The following ARMC8 variants were observed in gnomAD, a reference collection of about 807,000 sequenced individuals.
ARMC8 encodes the protein armadillo repeat-containing protein 8.
ARMC8 carries 20 observed loss-of-function variants against 99.3 expected under a neutral mutation model. The ratio of observed to expected loss-of-function variants is 0.20; its 90% CI spans 0.14 to 0.29. The LOEUF (loss-of-function observed/expected upper bound fraction) is 0.29. Ranked by LOEUF, ARMC8 falls within the 10% of genes least tolerant of loss-of-function variation. The pLI is 1.00. For synonymous variants in ARMC8, 263 were observed against 278.3 expected, an observed-to-expected ratio of 0.95 and a Z score of 0.55; for missense variants, 569 against 809.5, an observed-to-expected ratio of 0.70 and a Z score of 3.60.
At chr3:138,292,178 C>T (rs1272685049) in intron 21 of ARMC8, among the ~76,000 whole-genome samples, 1 of 152,180 alleles carries the variant, frequency 6.6e-6, no homozygotes, top group Non-Finnish European at 1.5e-5. Flanking sequence ...GCTGGGATTA[C>T]AGGCGCCTGC....
chr3:138,245,321 AGAAT>A lies in ARMC8; in HGVS notation c.1134+144_1134+147del, dbSNP rs1259490721. The A allele has an allele frequency of 5.2e-6, 8 of 1,545,554 alleles. No homozygotes were observed. In the African/African-American group the frequency reaches 1.1e-4, roughly 21 times the overall value. ...GCAGAGTGACTAAAGGCATAATTGA[AGAAT>A]GAATGGGACCCGGATTTGGGGGGTT... On this transcript the variant is annotated intron_variant, in intron 12 of 21. Transcript: ENST00000469044.
chr3:138,273,850 T>C (rs1298260322), intron 17 of ARMC8, among the ~76,000 whole-genome samples: 1 of 151,550 alleles, frequency 6.6e-6, no homozygotes, highest in Non-Finnish European at 1.5e-5. Context: ...AGAGTCTTGC[T>C]CTTTCCCCCA....
At position 138,206,217 on chromosome 3, in the gene ARMC8, G is replaced by T. The variant is rs2044364005; in HGVS notation, c.46-3600G>T. On this transcript the variant is annotated intron_variant, in intron 1 of 21. Transcript: ENST00000469044. ...AAATGTAAACTCATATACCCAAGTA[G>T]TTCCAAATCATTCTTAAAAGTTTTA... 2.6e-5 allele frequency among the ~76,000 whole-genome samples: 4 copies of T among 152,302 alleles called. No individual in the cohort carries two copies. In the South Asian group the frequency reaches 8.3e-4, roughly 32 times the overall value.
intron 2 of ARMC8, among the ~76,000 whole-genome samples, chr3:138,218,229 G>A (rs1576647339): frequency 6.6e-6 from 1 of 152,070 alleles, no homozygotes; most frequent in African/African-American, 2.4e-5. Flanking sequence ...AGATCACAAG[G>A]GGGGGCATCA....
chr3:138,275,393 T>TA (rs1308864336), intron 18 of ARMC8, among the ~76,000 whole-genome samples: 26 of 151,828 alleles, frequency 1.7e-4, no homozygotes, highest in Non-Finnish European at 3.5e-4. Flanking sequence ...CCATCTCTAC[T>TA]AAAAAAATAC....
chr3:138,207,228 G>A (rs2044422725), intron 1 of ARMC8, among the ~76,000 whole-genome samples: 1 of 152,070 alleles, frequency 6.6e-6, no homozygotes, highest in South Asian at 2.1e-4. Flanking sequence ...GATTCCCCTG[G>A]TTTACAAATG....
intron 12 of ARMC8, among the ~76,000 whole-genome samples, chr3:138,256,638 C>G (rs1345733184): frequency 1.3e-5 from 2 of 151,916 alleles, no homozygotes; most frequent in Non-Finnish European, 2.9e-5. Context: ...TCTCGATGTC[C>G]CGACCTCGTG....
intron 1 of ARMC8, among the ~76,000 whole-genome samples, chr3:138,209,035 T>C (rs1448715940): frequency 6.6e-6 from 1 of 152,246 alleles, no homozygotes; most frequent in Non-Finnish European, 1.5e-5. Context: ...CCTCCAGCAA[T>C]GAAGCTTCTC....
At chr3:138,226,793 G>T (rs1396089377) in intron 5 of ARMC8, among the ~76,000 whole-genome samples, 2 of 152,074 alleles carry the variant, frequency 1.3e-5, no homozygotes, top group Non-Finnish European at 2.9e-5. Flanking sequence ...ATGGATCCTG[G>T]TGCACCATTT....
intron 14 of ARMC8, among the ~76,000 whole-genome samples, 186 bp downstream of exon 14, chr3:138,264,398 G>C (rs1043496350): frequency 2.7e-5 from 4 of 149,348 alleles, no homozygotes; most frequent in African/African-American, 9.8e-5. Context: ...GGAACTACAG[G>C]CCTGATTTTC....
At chr3:138,234,197 C>T (rs914673507) in intron 6 of ARMC8, among the ~76,000 whole-genome samples, 18 of 152,096 alleles carry the variant, frequency 1.2e-4, no homozygotes, top group East Asian at 1.9e-4. Context: ...CCTCCGCCTC[C>T]GCCTCCCGGG....
intron 20 of ARMC8, among the ~76,000 whole-genome samples, chr3:138,290,062 A>G (rs2050794474): frequency 6.6e-6 from 1 of 152,218 alleles, no homozygotes; most frequent in South Asian, 2.1e-4. Flanking sequence ...GAACAGAATG[A>G]TATGAAATTG....
chr3:138,237,455 A>T (rs1290410677), intron 8 of ARMC8, 27 bp from the exon 9 acceptor site: 1 of 1,611,308 alleles, frequency 6.2e-7, no homozygotes. Context: ...GAATTTCCTT[A>T]ATCATTGTTG....
chr3:138,229,178 A>ATATTTATATGTATATGTATATG (rs1553758082), intron 6 of ARMC8, 168 bp downstream of exon 6: 1 of 32,078 alleles, frequency 3.1e-5, no homozygotes, highest in Non-Finnish European at 6.4e-5. Flanking sequence ...ATATATATAT[A>ATATTTATATGTATATGTATATG]TATATGTATA....
At chr3:138,293,524 G>A (rs951887291) in intron 21 of ARMC8, among the ~76,000 whole-genome samples, 3 of 151,868 alleles carry the variant, frequency 2.0e-5, no homozygotes, top group Non-Finnish European at 4.4e-5. Context: ...AGGCAACAGA[G>A]CAAGACTGTC....
chr3:138,237,240 A>G, intron 7 of ARMC8, 69 bp from the exon 8 acceptor site: 1 of 1,373,912 alleles, frequency 7.3e-7, no homozygotes. Context: ...AAGAGTTTAG[A>G]TTCTGAGACA....
At chr3:138,198,044 A>G (rs1244064727) in intron 1 of ARMC8, among the ~76,000 whole-genome samples, 1 of 152,170 alleles carries the variant, frequency 6.6e-6, no homozygotes, top group Admixed American at 6.5e-5. Context: ...AAAACTCACT[A>G]CAGAGCCAGA....
chr3:138,246,102 T>C, intron 12 of ARMC8: 1 of 985,394 alleles, frequency 1.0e-6, no homozygotes, highest in Non-Finnish European at 1.2e-6. Context: ...TTCAGAGAAG[T>C]TCTTCAGGCC....
chr3:138,229,134 G>GTGTATATATATA, intron 6 of ARMC8, 124 bp downstream of exon 6: 1 of 78,606 alleles, frequency 1.3e-5, no homozygotes, highest in Non-Finnish European at 2.3e-5. Context: ...GTGTGTGCGT[G>GTGTATATATATA]TATATATATA....
Sources: gnomAD v4.1 joint callset for allele counts (sites outside exome capture counted in the v4.1 genomes callset) on GRCh38, gnomAD v4.1.1 for gene constraint, MANE v1.5 for transcripts, NCBI Gene and HGNC (gene_info 2026-07-23, HGNC 2026-07-21) for gene names.